The following LAMA2 variants were observed in gnomAD, a reference collection of about 807,000 sequenced individuals.
LAMA2 encodes the protein laminin subunit alpha 2.
Under a neutral mutation model 364.8 loss-of-function variants are expected in LAMA2, and 269 were observed. The ratio of observed to expected loss-of-function variants is 0.74; its 90% confidence interval spans 0.67 to 0.82. The LOEUF (loss-of-function observed/expected upper bound fraction) is 0.82. LAMA2 is among the 40% of genes least tolerant of loss of function. The pLI, the probability that LAMA2 is intolerant of heterozygous loss-of-function variation, is 0.00. For missense variants in LAMA2, 3,807 were observed against 3,873.2 expected, an observed-to-expected ratio of 0.98 and a Z score of 0.45; for synonymous variants, 1,379 against 1,370.6, an observed-to-expected ratio of 1.01 and a Z score of -0.14.
At chr6:128,930,942 A>G (rs1303010346) in intron 1 of LAMA2, among the ~76,000 whole-genome samples, 2 of 152,160 alleles carry the variant, frequency 1.3e-5, no homozygotes, top group Non-Finnish European at 2.9e-5. Context: ...TATGATTCTA[A>G]GATGCTCTCT....
At chr6:129,413,845 G>A (rs893552105) in intron 40 of LAMA2, among the ~76,000 whole-genome samples, 12 of 152,062 alleles carry the variant, frequency 7.9e-5, no homozygotes, top group African/African-American at 2.9e-4. Context: ...TAAGGTTTCT[G>A]CTCAAGATGT....
At chr6:128,977,594 A>G (rs1055137657) in intron 1 of LAMA2, among the ~76,000 whole-genome samples, 52 of 152,028 alleles carry the variant, frequency 3.4e-4, no homozygotes, top group African/African-American at 1.2e-3. Flanking sequence ...CTTAAACTAG[A>G]TTGTACTTAC....
At chr6:129,481,093 A>C (rs1445210084) in intron 54 of LAMA2, among the ~76,000 whole-genome samples, 170 bp from the exon 55 acceptor site, 1 of 152,230 alleles carries the variant, frequency 6.6e-6, no homozygotes, top group African/African-American at 2.4e-5. Flanking sequence ...TCATATAACT[A>C]GAAATAATAT....
At chr6:129,324,190 T>C (rs1189893295) in intron 28 of LAMA2, among the ~76,000 whole-genome samples, 3 of 152,326 alleles carry the variant, frequency 2.0e-5, no homozygotes, top group Non-Finnish European at 4.4e-5. Context: ...GGTATCTTTA[T>C]TTTTAGTTTA....
intron 1 of LAMA2, among the ~76,000 whole-genome samples, chr6:128,933,235 T>A (rs1047735484): frequency 7.4e-6 from 1 of 135,352 alleles, no homozygotes; most frequent in Admixed American, 7.2e-5. Context: ...TCTTTCTGTG[T>A]GTGTGTGTGT....
chr6:129,165,487 A>AGAC, intron 8 of LAMA2, 89 bp from the exon 9 acceptor site: 1 of 791,098 alleles, frequency 1.3e-6, no homozygotes, highest in Non-Finnish European at 2.2e-6. Context: ...TGTATTATTA[A>AGAC]AACTACTTTG....
chr6:129,187,161 AG>A (rs1163946478), intron 10 of LAMA2, among the ~76,000 whole-genome samples: 1 of 151,806 alleles, frequency 6.6e-6, no homozygotes, highest in East Asian at 1.9e-4. Flanking sequence ...AGAATAAGCC[AG>A]GAATGCAATT....
Position 129,095,356 on chromosome 6 carries a change from T to C in LAMA2, c.397-2817T>C, listed in dbSNP as rs74488783. Among the ~76,000 whole-genome samples the C allele has an allele frequency of 7.2e-3, 1,095 of 152,350 alleles. 6 individuals are homozygous for C. Among genetic ancestry groups the C allele is most frequent in the Non-Finnish European group, 0.011 (752 of 68,022 alleles). On this transcript the variant is annotated intron_variant, in intron 3 of 64. Transcript: ENST00000421865. ...ACAAAATATAGTAATTATTGATTGC[T>C]GAAATCAAATCCTAGAAAATACAGC...
intron 12 of LAMA2, among the ~76,000 whole-genome samples, chr6:129,223,369 G>A (rs1784012163): frequency 6.6e-6 from 1 of 152,098 alleles, no homozygotes; most frequent in Non-Finnish European, 1.5e-5. Context: ...TGTCAACTTT[G>A]GCTTTTGTTG....
At chr6:129,327,900 A>G (rs1775397904) in intron 28 of LAMA2, among the ~76,000 whole-genome samples, 1 of 152,200 alleles carries the variant, frequency 6.6e-6, no homozygotes, top group Admixed American at 6.5e-5. Flanking sequence ...TTTGCTAGTT[A>G]TCCATCAAGC....
chr6:129,365,606 A>G (rs578138715), intron 32 of LAMA2, among the ~76,000 whole-genome samples: 2 of 149,906 alleles, frequency 1.3e-5, no homozygotes, highest in Non-Finnish European at 3.0e-5. Flanking sequence ...CAGGTGATCC[A>G]CCCACCTCGG....
chr6:129,361,225 A>G lies in LAMA2; in HGVS notation c.4718-4994A>G, dbSNP rs561944715. On this transcript the variant is annotated intron_variant, in intron 32 of 64. Transcript: ENST00000421865. ...CTAGAGGTCAAATGGAACTTTTAAA[A>G]CAATGATGAACTTGGGCTCAGTGAG... 2.6e-5 allele frequency among the ~76,000 whole-genome samples: 4 copies of G among 152,292 alleles called. No individual in the cohort carries two copies. The South Asian group carries it at 8.3e-4, about 32-fold the overall frequency.
intron 3 of LAMA2, among the ~76,000 whole-genome samples, chr6:129,066,247 G>A (rs911184128): frequency 7.3e-5 from 11 of 149,778 alleles, no homozygotes; most frequent in African/African-American, 2.7e-4. Context: ...GGGTTTCACC[G>A]TTTTAGCCGG....
At chr6:129,383,298 AC>A in intron 35 of LAMA2, 65 bp downstream of exon 35, 1 of 1,213,090 alleles carries the variant, frequency 8.2e-7, no homozygotes, top group Non-Finnish European at 1.2e-6. Context: ...AAGGGATGAC[AC>A]AGGACTGGAA....
chr6:129,042,660 CCAGT>C (rs371612309), intron 1 of LAMA2, among the ~76,000 whole-genome samples: 5 of 152,154 alleles, frequency 3.3e-5, no homozygotes, highest in African/African-American at 1.2e-4. Flanking sequence ...ATGCCTCTTC[CCAGT>C]CAGTCTCTGC....
intron 1 of LAMA2, among the ~76,000 whole-genome samples, chr6:128,950,550 A>G (rs1047493342): frequency 6.6e-5 from 10 of 152,162 alleles, no homozygotes; most frequent in African/African-American, 2.4e-4. Context: ...CGTCAGTGAC[A>G]GATAAAGAGT....
At chr6:128,908,485 C>A (rs1174582572) in intron 1 of LAMA2, among the ~76,000 whole-genome samples, 2 of 147,180 alleles carry the variant, frequency 1.4e-5, no homozygotes, top group Non-Finnish European at 3.0e-5. Flanking sequence ...GGTGATATCC[C>A]CTTTATCATT....
At chr6:129,385,507 TA>T (rs1778965366) in intron 35 of LAMA2, among the ~76,000 whole-genome samples, 1 of 152,166 alleles carries the variant, frequency 6.6e-6, no homozygotes. Context: ...GTGGGAAAAG[TA>T]AATGCTTCAG....
At chr6:129,222,512 G>A (rs1783929060) in intron 12 of LAMA2, among the ~76,000 whole-genome samples, 1 of 117,980 alleles carries the variant, frequency 8.5e-6, no homozygotes, top group Non-Finnish European at 1.6e-5. Flanking sequence ...CCTACGACAG[G>A]CCCCGGTGTG....
Sources: gnomAD v4.1 joint callset for allele counts (sites outside exome capture counted in the v4.1 genomes callset) on GRCh38, gnomAD v4.1.1 for gene constraint, MANE v1.5 for transcripts, NCBI Gene and HGNC (gene_info 2026-07-23, HGNC 2026-07-21) for gene names.